Variants in ARHGAP10 observed in about 807,000 individuals in gnomAD.
The protein encoded by ARHGAP10 is rho GTPase-activating protein 10.
A neutral mutation model predicts 108.6 loss-of-function variants in ARHGAP10; 87 were observed. The ratio of observed to expected loss-of-function variants is 0.80; its 90% confidence interval spans 0.67 to 0.96. The LOEUF (loss-of-function observed/expected upper bound fraction) is 0.96, where lower values mean the gene tolerates loss of function less well. Ranked by LOEUF, ARHGAP10 falls within the 40% of genes least tolerant of loss-of-function variation. The probability of loss-of-function intolerance (pLI) is 0.00; values close to 1 mark genes in which losing one functional copy is unlikely to be tolerated. For synonymous variants in ARHGAP10, 347 were observed against 341.1 expected (o/e 1.02, Z -0.19); for missense variants, 939 against 954.5 (o/e 0.98, Z 0.21).
intron 18 of ARHGAP10, among the ~76,000 whole-genome samples, chr4:148,005,951 C>T (rs1740929809): frequency 6.6e-6 from 1 of 152,154 alleles, no homozygotes; most frequent in Non-Finnish European, 1.5e-5. Context: ...TCTCTTAGTG[C>T]AGATTAAAAG....
intron 20 of ARHGAP10, among the ~76,000 whole-genome samples, chr4:148,049,059 A>G (rs995128732): frequency 6.6e-6 from 1 of 151,234 alleles, no homozygotes; most frequent in Admixed American, 6.6e-5. Context: ...TCTGAAGTAT[A>G]TACTAAAATG....
At chr4:147,923,362 G>GT (rs1236241957) in intron 13 of ARHGAP10, among the ~76,000 whole-genome samples, 2 of 152,132 alleles carry the variant, frequency 1.3e-5, no homozygotes, top group Admixed American at 1.3e-4. Context: ...TGACACCTAG[G>GT]TGCATGTACT....
intron 18 of ARHGAP10, among the ~76,000 whole-genome samples, chr4:148,001,521 C>T (rs1303043686): frequency 4.6e-5 from 7 of 152,082 alleles, no homozygotes; most frequent in Non-Finnish European, 7.3e-5. Context: ...GCCATTTTCA[C>T]GATATTGATT....
chr4:147,852,097 G>C (rs1457527360), intron 4 of ARHGAP10, among the ~76,000 whole-genome samples: 1 of 152,174 alleles, frequency 6.6e-6, no homozygotes, highest in Non-Finnish European at 1.5e-5. Flanking sequence ...GGTATCCATA[G>C]AGTAATTTTA....
rs371606629 is a variant in ARHGAP10 at position 147,839,512 on chromosome 4, A to G, written c.313-7639A>G. ...AAGGCATGATTTAGTAGTTATACTG[A>G]CTTACTCAGTTTTACCTAGACTGAG... On this transcript the variant is annotated intron_variant, in intron 3 of 22. Coordinates refer to ENST00000336498, the MANE Select transcript of ARHGAP10 (RefSeq NM_024605.4). Among the ~76,000 whole-genome samples the G allele has an allele frequency of 1.1e-4, 17 of 152,338 alleles. No homozygotes were observed. The South Asian group carries it at 3.5e-3, about 32-fold the overall frequency.
In ARHGAP10 at chr4:147,986,626, CAG is replaced by C. The variant is rs372470354; in HGVS notation, c.1716+19788_1716+19789del. Among the ~76,000 whole-genome samples the C allele has an allele frequency of 9.0e-4, 137 of 152,308 alleles. 6 individuals carry two copies. In the South Asian group the frequency reaches 0.026, roughly 29 times the overall value. On this transcript the variant is annotated intron_variant, in intron 18 of 22. Coordinates refer to ENST00000336498, the MANE Select transcript of ARHGAP10 (RefSeq NM_024605.4). Reference sequence around the variant, plus strand: ...AGACAGTCTCTCTAGGATCTTCAGACAGTGTCAGGCCTCTCTGGTTACCATCT... The same window carrying C: ...AGACAGTCTCTCTAGGATCTTCAGACTGTCAGGCCTCTCTGGTTACCATCT...
intron 1 of ARHGAP10, among the ~76,000 whole-genome samples, chr4:147,803,630 A>G (rs1034691953): frequency 1.3e-5 from 2 of 151,804 alleles, no homozygotes; most frequent in Admixed American, 6.6e-5. Context: ...TCTTCTCTCT[A>G]CCTCCATGAG....
intron 18 of ARHGAP10, among the ~76,000 whole-genome samples, chr4:147,968,055 T>A (rs1306877724): frequency 1.3e-5 from 2 of 152,154 alleles, no homozygotes; most frequent in Non-Finnish European, 2.9e-5. Flanking sequence ...AGTATGGCAT[T>A]TGTTGGTGTT....
At chr4:147,812,849 G>A (rs1336935360) in intron 1 of ARHGAP10, among the ~76,000 whole-genome samples, 1 of 152,090 alleles carries the variant, frequency 6.6e-6, no homozygotes, top group Non-Finnish European at 1.5e-5. Flanking sequence ...AAAATACAGT[G>A]TGAAAATGTC....
intron 5 of ARHGAP10, chr4:147,861,665 A>G (rs893363370): frequency 2.0e-5 from 3 of 152,264 alleles, no homozygotes; most frequent in Non-Finnish European, 4.4e-5. Flanking sequence ...GGTCGACGTA[A>G]TGAGTGTCCA....
At chr4:147,878,633 G>A (rs1157278996) in intron 8 of ARHGAP10, among the ~76,000 whole-genome samples, 1 of 152,090 alleles carries the variant, frequency 6.6e-6, no homozygotes, top group African/African-American at 2.4e-5. Flanking sequence ...AAAAAATAGA[G>A]CTTACAATTA....
intron 1 of ARHGAP10, among the ~76,000 whole-genome samples, chr4:147,810,854 T>C (rs1731988701): frequency 6.6e-6 from 1 of 152,206 alleles, no homozygotes; most frequent in South Asian, 2.1e-4. Flanking sequence ...GTCACTTCAT[T>C]AACTCAACAA....
At chr4:148,010,123 G>A (rs1312441386) in intron 18 of ARHGAP10, among the ~76,000 whole-genome samples, 2 of 151,952 alleles carry the variant, frequency 1.3e-5, no homozygotes, top group Non-Finnish European at 2.9e-5. Flanking sequence ...TTTGTCATGA[G>A]GTTGGAGGGA....
intron 3 of ARHGAP10, among the ~76,000 whole-genome samples, chr4:147,843,347 TC>T (rs1379167263): frequency 6.6e-6 from 1 of 152,194 alleles, no homozygotes; most frequent in African/African-American, 2.4e-5. Context: ...ATCCTCTCTC[TC>T]TACTGCCCCA....
chr4:147,934,249 C>T (rs1261149246), intron 13 of ARHGAP10, among the ~76,000 whole-genome samples: 1 of 152,174 alleles, frequency 6.6e-6, no homozygotes, highest in Non-Finnish European at 1.5e-5. Flanking sequence ...AGGACTGGAC[C>T]ATTGTCAAGC....
At chr4:147,826,044 A>G (rs1732695817) in intron 3 of ARHGAP10, among the ~76,000 whole-genome samples, 2 of 152,200 alleles carry the variant, frequency 1.3e-5, no homozygotes, top group South Asian at 4.1e-4. Context: ...GGGCTACAGC[A>G]TATCTGGAGT....
intron 1 of ARHGAP10, among the ~76,000 whole-genome samples, chr4:147,771,980 T>C (rs998214826): frequency 6.6e-6 from 1 of 152,094 alleles, no homozygotes; most frequent in Non-Finnish European, 1.5e-5. Context: ...TTAGTAGAGG[T>C]TGGGTTTCAC....
At chr4:147,798,198 A>G (rs575314183) in intron 1 of ARHGAP10, among the ~76,000 whole-genome samples, 12 of 150,592 alleles carry the variant, frequency 8.0e-5, no homozygotes, top group Admixed American at 7.3e-4. Flanking sequence ...TAGTGTGTGG[A>G]CCGTTTGTTG....
chr4:148,057,533 C>G (rs1162894594), intron 20 of ARHGAP10, among the ~76,000 whole-genome samples: 1 of 152,194 alleles, frequency 6.6e-6, no homozygotes, highest in Non-Finnish European at 1.5e-5. Context: ...TGTACTAGTG[C>G]CTGCCTGTTG....
Sources: allele counts gnomAD v4.1 joint callset (sites outside exome capture counted in the v4.1 genomes callset), GRCh38; gene constraint gnomAD v4.1.1; transcripts MANE v1.5; gene names NCBI Gene and HGNC (gene_info 2026-07-23, HGNC 2026-07-21).